The following NAV3 variants were observed in gnomAD, a reference collection of about 807,000 sequenced individuals.
NAV3 encodes pore membrane and/or filament interacting like protein 1.
Under a neutral mutation model 244.7 loss-of-function variants are expected in NAV3, and 87 were observed. That is an observed-to-expected ratio of 0.36 (90% CI 0.30 to 0.42). The LOEUF (loss-of-function observed/expected upper bound fraction) is 0.42. NAV3 is among the 20% of genes least tolerant of loss of function. The probability of loss-of-function intolerance (pLI) is 1.00; values close to 1 mark genes in which losing one functional copy is unlikely to be tolerated. For synonymous variants in NAV3, 1,126 were observed against 1,042.2 expected (o/e 1.08, Z -1.55); for missense variants, 2,663 against 2,893.3 (o/e 0.92, Z 1.83).
Position 78,004,362 on chromosome 12 carries a change from A to G in NAV3, c.881-2057A>G, listed in dbSNP as rs533938653. ...GGTATAAGAAGAGGAAGCAGAAGAC[A>G]GGGAGTGGAAGCAAATTGCTATTTG... On this transcript the variant is annotated intron_variant, in intron 7 of 39. Transcript: ENST00000397909. Among the ~76,000 whole-genome samples the G allele has an allele frequency of 1.2e-4, 19 of 152,308 alleles. No homozygotes were observed. In the East Asian group the frequency reaches 2.1e-3, roughly 17 times the overall value.
chr12:77,980,868 A>G (rs1869435546), intron 5 of NAV3, among the ~76,000 whole-genome samples: 1 of 152,172 alleles, frequency 6.6e-6, no homozygotes, highest in Admixed American at 6.5e-5. Flanking sequence ...TAAAAGAGCA[A>G]GAGACTTTGA....
intron 5 of NAV3, among the ~76,000 whole-genome samples, chr12:77,991,427 A>G (rs184058763): frequency 2.6e-4 from 39 of 150,982 alleles, no homozygotes; most frequent in Non-Finnish European, 4.3e-4. Context: ...CATTATGTTT[A>G]TACATTTAAA....
At chr12:78,093,429 C>A (rs1238527924) in intron 12 of NAV3, among the ~76,000 whole-genome samples, 1 of 152,100 alleles carries the variant, frequency 6.6e-6, no homozygotes, top group Admixed American at 6.5e-5. Context: ...AGTACAAGAA[C>A]AGAGGGAACA....
At chr12:77,589,495 A>T in intron 2 of NAV3, among the ~76,000 whole-genome samples, 1 of 152,206 alleles carries the variant, frequency 6.6e-6, no homozygotes, top group Non-Finnish European at 1.5e-5. Context: ...AGGGCTGGGG[A>T]GGCCTCAGGA....
Position 78,188,705 on chromosome 12 carries a change from C to A in NAV3, c.5983C>A (p.Leu1995Ile), listed in dbSNP as rs756793687. The A allele has an allele frequency of 6.2e-7, 1 of 1,612,448 alleles. No homozygotes were observed. Among genetic ancestry groups the A allele is most frequent in the South Asian group, 1.1e-5 (1 of 91,024 alleles). ...CIGDLIRSHN[L>I]EVPELLPCGY... ...AGGAGACTTAATTAGATCCCATAAC[C>A]TAGAAGTGCCTGAATTGCTGCCTTG... The change falls in exon 33 of 40, where the codon CTA becomes ATA. Residue 1995 changes from leucine to isoleucine, a missense_variant. By Grantham distance (5) the Leu-to-Ile change is conservative. Coordinates refer to ENST00000397909, the MANE Select transcript of NAV3 (RefSeq NM_001024383.2).
chr12:77,707,028 G>A (rs1221898594), intron 2 of NAV3, among the ~76,000 whole-genome samples: 2 of 150,994 alleles, frequency 1.3e-5, no homozygotes, highest in Non-Finnish European at 2.9e-5. Flanking sequence ...TCCTCTTCAA[G>A]ACCCAGCTTG....
intron 2 of NAV3, among the ~76,000 whole-genome samples, chr12:77,795,226 A>T (rs1434969254): frequency 6.6e-6 from 1 of 152,158 alleles, no homozygotes; most frequent in East Asian, 1.9e-4. Flanking sequence ...TTTGAAGAAA[A>T]CTTTGCTGGT....
chr12:77,585,493 A>T (rs1014610186), intron 2 of NAV3, among the ~76,000 whole-genome samples: 1 of 27,648 alleles, frequency 3.6e-5, no homozygotes. Context: ...GGAAAAAGAC[A>T]AAAAATGAAA....
intron 7 of NAV3, 152 bp from the exon 8 acceptor site, chr12:78,006,267 A>G (rs989503489): frequency 1.8e-5 from 13 of 739,714 alleles, no homozygotes; most frequent in Non-Finnish European, 2.8e-5. Context: ...GTAAAAAAAA[A>G]TCACATCAGA....
chr12:77,892,235 T>G (rs1486465240), intron 1 of NAV3, among the ~76,000 whole-genome samples: 1 of 152,132 alleles, frequency 6.6e-6, no homozygotes, highest in Non-Finnish European at 1.5e-5. Flanking sequence ...GATGTTGAAG[T>G]TGTAAGACAG....
intron 1 of NAV3, among the ~76,000 whole-genome samples, chr12:77,897,323 T>A (rs2619063): frequency 0.09 from 13,749 of 152,250 alleles, 820 homozygotes; most frequent in East Asian, 0.2. Flanking sequence ...CTACCAGCAG[T>A]TTCAGTAAAT....
intron 3 of NAV3, chr12:77,950,956 G>A (rs992937618): frequency 6.6e-6 from 1 of 152,046 alleles, no homozygotes; most frequent in African/African-American, 2.4e-5. Flanking sequence ...ACCTAAAACT[G>A]TAAAAACCCT....
At position 78,118,306 on chromosome 12, in the gene NAV3, G is replaced by T. The variant is rs1339682687; in HGVS notation, c.3040+9G>T. On this transcript the variant is annotated intron_variant, in intron 14 of 39. Transcript: ENST00000397909. ...TGCACTCAAAACACCCGGTAGGCTT[G>T]TCGTTTGCCAGCTGTTATGCAAAAG... 6.3e-7 allele frequency: 1 copy of T among 1,580,580 alleles called. No individual in the cohort carries two copies.
chr12:77,819,303 CTATAA>C (rs1472781129), intron 2 of NAV3, among the ~76,000 whole-genome samples: 1 of 151,790 alleles, frequency 6.6e-6, no homozygotes, highest in African/African-American at 2.4e-5. Context: ...ATTAACATAA[CTATAA>C]TATAAGTATG....
chr12:77,717,158 C>G (rs1022350440), intron 2 of NAV3, among the ~76,000 whole-genome samples: 1 of 151,996 alleles, frequency 6.6e-6, no homozygotes, highest in African/African-American at 2.4e-5. Flanking sequence ...ACCCTGTTGA[C>G]AAATGTTTAA....
At chr12:78,028,178 A>G (rs1468373181) in intron 9 of NAV3, among the ~76,000 whole-genome samples, 1 of 152,292 alleles carries the variant, frequency 6.6e-6, no homozygotes, top group Non-Finnish European at 1.5e-5. Context: ...CTGAAAATGA[A>G]GATCTCAATT....
intron 19 of NAV3, among the ~76,000 whole-genome samples, chr12:78,139,054 G>A (rs1296572155): frequency 6.6e-6 from 1 of 152,026 alleles, no homozygotes; most frequent in African/African-American, 2.4e-5. Context: ...GTACATCAGG[G>A]TAACACTTTA....
At chr12:77,725,553 T>C (rs565021287) in intron 2 of NAV3, among the ~76,000 whole-genome samples, 1 of 151,788 alleles carries the variant, frequency 6.6e-6, no homozygotes, top group South Asian at 2.1e-4. Context: ...TGCTGCAAAC[T>C]ATACTGGTAA....
At chr12:77,614,904 G>C (rs1018076939) in intron 2 of NAV3, among the ~76,000 whole-genome samples, 9 of 152,180 alleles carry the variant, frequency 5.9e-5, no homozygotes, top group African/African-American at 1.9e-4. Flanking sequence ...TCCTTCAGGA[G>C]AGCAGCTACT....
Sources: gnomAD v4.1 joint callset for allele counts (sites outside exome capture counted in the v4.1 genomes callset) on GRCh38, gnomAD v4.1.1 for gene constraint, MANE v1.5 for transcripts, NCBI Gene and HGNC (gene_info 2026-07-23, HGNC 2026-07-21) for gene names.